Variants in TBL1X observed in about 807,000 individuals in gnomAD.
The protein encoded by TBL1X is F-box-like/WD repeat-containing protein TBL1X.
TBL1X carries 10 observed loss-of-function variants against 50.7 expected under a neutral mutation model. That is an observed-to-expected ratio of 0.20 (90% confidence interval 0.12 to 0.33). The LOEUF is 0.33. Ranked by LOEUF, TBL1X falls within the 10% of genes least tolerant of loss-of-function variation. The pLI, the probability that TBL1X is intolerant of heterozygous loss-of-function variation, is 1.00. For synonymous variants in TBL1X, 190 were observed against 214.7 expected (o/e 0.88, Z 1.01); for missense variants, 340 against 504.4 (o/e 0.67, Z 3.12).
In TBL1X at chrX:9,501,786, G is replaced by T. The variant is rs757787841; in HGVS notation, c.-194G>T. 3 of 111,188 alleles carry T rather than the reference G, an allele frequency of 2.7e-5. No individual in the cohort carries two copies. Among genetic ancestry groups the T allele is most frequent in the African/African-American group, 9.8e-5 (3 of 30,517 alleles). The allele number at this position is 111,188 out of a possible 1,213,427, so 9.2% of individuals were successfully genotyped here. ...ATTTTACTGTTTCTTCCAGATTTCC[G>T]TGAGGGTGGAAGAAAATCATACCAT... On this transcript the variant is annotated 5_prime_UTR_variant, in exon 2 of 18. Coordinates refer to ENST00000645353, the MANE Select transcript of TBL1X (RefSeq NM_005647.4).
intron 2 of TBL1X, among the ~76,000 whole-genome samples, chrX:9,593,116 C>T (rs1250887135): frequency 9.0e-6 from 1 of 111,367 alleles, no homozygotes; most frequent in Non-Finnish European, 1.9e-5. Context: ...TAATGTTCAC[C>T]TGGGGTCGGG....
At chrX:9,622,112 A>T (rs1167830991) in intron 2 of TBL1X, among the ~76,000 whole-genome samples, 2 of 110,790 alleles carry the variant, frequency 1.8e-5, no homozygotes, top group Non-Finnish European at 3.8e-5. Context: ...TCTTTAACCA[A>T]CAGAGGGGTC....
rs1315604148 is a variant in TBL1X, at chrX:9,719,563, C to T, written c.*3317C>T. 19 of 110,819 alleles carry T rather than the reference C, an allele frequency of 1.7e-4. No homozygotes were observed. The highest frequency in any genetic ancestry group is 3.9e-4 in the South Asian group (1 of 2,549). The allele number at this position is 110,819 out of a possible 1,213,427, so 9.1% of individuals were successfully genotyped here. On this transcript the variant is annotated 3_prime_UTR_variant, in exon 18 of 18. Transcript: ENST00000645353. ...GACATGTTCTCTATTGGCATTTTTC[C>T]GATTCTGTTCAGATGACAGCGACCG...
intron 2 of TBL1X, among the ~76,000 whole-genome samples, chrX:9,529,016 G>GA (rs1391695285): frequency 2.7e-5 from 3 of 111,911 alleles, no homozygotes; most frequent in African/African-American, 9.8e-5. Flanking sequence ...ATACGGAGTG[G>GA]AAAAGTTTTC....
intron 17 of TBL1X, 83 bp downstream of exon 17, chrX:9,715,086 T>C: frequency 1.0e-6 from 1 of 954,957 alleles, no homozygotes; most frequent in Non-Finnish European, 1.5e-6. Context: ...GTGTGCAGCA[T>C]TCGTGTCCTG....
chrX:9,654,381 G>A, intron 5 of TBL1X, 59 bp downstream of exon 5: 1 of 1,112,861 alleles, frequency 9.0e-7, no homozygotes. Context: ...ACAAGCAGAA[G>A]GATCAACGCT....
At chrX:9,625,872 G>T (rs1205844541) in intron 2 of TBL1X, among the ~76,000 whole-genome samples, 2 of 112,269 alleles carry the variant, frequency 1.8e-5, no homozygotes, top group Non-Finnish European at 3.8e-5. Flanking sequence ...CCGGCGGGGG[G>T]GCGGAGGTTA....
At chrX:9,513,774 A>G (rs921637050) in intron 2 of TBL1X, among the ~76,000 whole-genome samples, 5 of 109,342 alleles carry the variant, frequency 4.6e-5, no homozygotes, top group Admixed American at 4.0e-4. Flanking sequence ...GGTAATTTAG[A>G]GGTTTATTTG....
rs758249725 is a variant in TBL1X at position 9,653,604 on chromosome X, C to T, written c.18C>T (p.Gly6=). The change falls in exon 4 of 18, where the codon GGC becomes GGT. Residue 6 remains glycine (G), a synonymous_variant. Transcript: ENST00000645353. ...CATGTAGCATGACCGAGCTCGCTGG[C>T]GCCTCTTCATCGTGCTGCCACCGCC... MTELA[G]ASSSCCHRPA... The T allele has an allele frequency of 8.5e-6, 10 of 1,170,833 alleles. No homozygotes were observed. Among genetic ancestry groups the T allele is most frequent in the East Asian group, 3.2e-5 (1 of 30,934 alleles).
rs200289446 is a variant in TBL1X, at chrX:9,556,205, C to A, written c.-131+54356C>A. On this transcript the variant is annotated intron_variant, in intron 2 of 17. Coordinates refer to ENST00000645353, the MANE Select transcript of TBL1X (RefSeq NM_005647.4). ...GTGTCTAAACAAAAAAAAAACAAAA[C>A]AAAACAAAAAAAACAGTACAAAGTG... Among the ~76,000 whole-genome samples the A allele has an allele frequency of 3.6e-3, 366 of 100,572 alleles. 4 individuals carry two copies. Among genetic ancestry groups the A allele is most frequent in the Non-Finnish European group, 5.4e-3 (270 of 49,790 alleles). The allele number at this position is 100,572 out of a possible 115,157, so 87.3% of individuals were successfully genotyped here.
chrX:9,467,075 ATAACTT>A (rs2081780441), intron 1 of TBL1X, among the ~76,000 whole-genome samples: 1 of 112,554 alleles, frequency 8.9e-6, no homozygotes, highest in African/African-American at 3.2e-5. Context: ...GTTTGCAAAA[ATAACTT>A]TATTGTAGAC....
intron 2 of TBL1X, among the ~76,000 whole-genome samples, chrX:9,629,933 C>T (rs903147870): frequency 1.8e-4 from 20 of 111,166 alleles, no homozygotes; most frequent in Non-Finnish European, 3.6e-4. Context: ...CAGTCCCGCT[C>T]TTTCCTGCAT....
At chrX:9,651,446 GAGATTTCTAGCTGTGCA>G (rs1307533971) in intron 3 of TBL1X, among the ~76,000 whole-genome samples, 3 of 112,028 alleles carry the variant, frequency 2.7e-5, no homozygotes, top group African/African-American at 9.7e-5. Context: ...TAGAAAACCA[GAGATTTCTAGCTGTGCA>G]AGATGTAGAG....
intron 2 of TBL1X, among the ~76,000 whole-genome samples, chrX:9,548,755 A>G (rs1330518275): frequency 8.9e-6 from 1 of 112,660 alleles, no homozygotes; most frequent in Non-Finnish European, 1.9e-5. Flanking sequence ...CAAATGTTTT[A>G]AGATTTATTA....
At chrX:9,558,443 G>C (rs1269023459) in intron 2 of TBL1X, among the ~76,000 whole-genome samples, 1 of 110,138 alleles carries the variant, frequency 9.1e-6, no homozygotes, top group Non-Finnish European at 1.9e-5. Flanking sequence ...CTTGAACCTG[G>C]GAGGTGCAGG....
chrX:9,617,844 G>A (rs578257657), intron 2 of TBL1X, among the ~76,000 whole-genome samples: 15 of 111,923 alleles, frequency 1.3e-4, no homozygotes, highest in African/African-American at 4.2e-4. Flanking sequence ...GAGTTTGAGG[G>A]AACAGTCACA....
chrX:9,519,067 C>T (rs1332138725), intron 2 of TBL1X, among the ~76,000 whole-genome samples: 1 of 111,060 alleles, frequency 9.0e-6, no homozygotes, highest in East Asian at 2.8e-4. Context: ...ATGGTTGTGT[C>T]ACCTTGAGCC....
At chrX:9,708,703 CAAA>C (rs35805085) in intron 13 of TBL1X, among the ~76,000 whole-genome samples, 23,657 of 71,985 alleles carry the variant, frequency 0.33, 3,330 homozygotes, top group East Asian at 0.67. Context: ...GCAAAAATCC[CAAA>C]AAAAAAAAAA....
chrX:9,544,634 C>T (rs576772626), intron 2 of TBL1X, among the ~76,000 whole-genome samples: 56 of 112,252 alleles, frequency 5.0e-4, no homozygotes, highest in African/African-American at 1.5e-3. Flanking sequence ...GCGATCTCTG[C>T]TCACTGCAAC....
Sources: allele counts gnomAD v4.1 joint callset (sites outside exome capture counted in the v4.1 genomes callset), GRCh38; gene constraint gnomAD v4.1.1; transcripts MANE v1.5; gene names NCBI Gene and HGNC (gene_info 2026-07-23, HGNC 2026-07-21).